The following BMPR1B variants were observed in gnomAD, a reference collection of about 807,000 sequenced individuals.
BMPR1B encodes the protein bone morphogenetic protein receptor type-1B.
In BMPR1B, 12 loss-of-function variants were observed where a neutral mutation model predicts 59.1. That is an observed-to-expected ratio of 0.20 (90% confidence interval 0.13 to 0.33). The LOEUF is 0.33. Among genes scored for constraint, BMPR1B ranks in the 10% least tolerant of loss-of-function variants. BMPR1B has a pLI of 1.00. For synonymous variants in BMPR1B, 237 were observed against 207.3 expected (o/e 1.14, Z -1.23); for missense variants, 550 against 610.9 (o/e 0.90, Z 1.05).
chr4:94,780,092 C>T (rs888547054), intron 1 of BMPR1B, among the ~76,000 whole-genome samples: 13 of 151,948 alleles, frequency 8.6e-5, no homozygotes, highest in African/African-American at 3.1e-4. Flanking sequence ...TAATTGCCTG[C>T]TAGATTTGGT....
At chr4:95,132,870 C>T (rs1295825556) in intron 10 of BMPR1B, among the ~76,000 whole-genome samples, 1 of 152,178 alleles carries the variant, frequency 6.6e-6, no homozygotes, top group Non-Finnish European at 1.5e-5. Context: ...GAGGCCTTCT[C>T]TATTGCCATC....
At position 94,860,806 on chromosome 4, in the gene BMPR1B, AACCTTTTATAT is replaced by A. The variant is rs1487682442; in HGVS notation, c.-182-15024_-182-15014del. Among the ~76,000 whole-genome samples the A allele has an allele frequency of 5.0e-3, 764 of 152,004 alleles. 169 individuals carry two copies. The highest frequency in any genetic ancestry group is 0.016 in the African/African-American group (665 of 41,334). Reference sequence around the variant, plus strand: ...CATCCTACAAGAGGTTCTTGGACAAAACCTTTTATATGTCTTTTATATGTTGGCTTTTATAT... The same window carrying A: ...CATCCTACAAGAGGTTCTTGGACAAAGTCTTTTATATGTTGGCTTTTATAT... On this transcript the variant is annotated intron_variant, in intron 1 of 12. Coordinates refer to ENST00000515059, the MANE Select transcript of BMPR1B (RefSeq NM_001203.3).
intron 2 of BMPR1B, among the ~76,000 whole-genome samples, chr4:94,941,155 C>T (rs759332627): frequency 1.6e-4 from 25 of 152,080 alleles, no homozygotes; most frequent in Admixed American, 3.3e-4. Flanking sequence ...AGGACGGGTG[C>T]GCAGTGGCTC....
At chr4:94,874,525 T>A (rs747291557) in intron 1 of BMPR1B, among the ~76,000 whole-genome samples, 4 of 152,210 alleles carry the variant, frequency 2.6e-5, no homozygotes, top group African/African-American at 4.8e-5. Flanking sequence ...TTATATCAAT[T>A]AAAATCTAAT....
Position 95,154,866 on chromosome 4 carries a change from T to A in BMPR1B, c.*193T>A. The A allele has an allele frequency of 1.4e-6, 1 of 722,722 alleles. No homozygotes were observed. Among genetic ancestry groups the A allele is most frequent in the Non-Finnish European group, 2.3e-6 (1 of 444,430 alleles). The allele number at this position is 722,722 out of a possible 1,614,324, so 44.8% of individuals were successfully genotyped here. A position where few individuals can be genotyped will look rare whatever the true frequency, so the allele number is the denominator to read the frequency against. ...AGAAGCTCCCAGAAGGAGAGATTGA[T>A]CCATGTCTGTTTGTAGGACGGAGAA... On this transcript the variant is annotated 3_prime_UTR_variant, in exon 13 of 13. Coordinates refer to ENST00000515059, the MANE Select transcript of BMPR1B (RefSeq NM_001203.3).
intron 1 of BMPR1B, among the ~76,000 whole-genome samples, chr4:94,806,680 C>T (rs953058278): frequency 1.3e-5 from 2 of 152,152 alleles, no homozygotes; most frequent in African/African-American, 4.8e-5. Flanking sequence ...TTAATACTCC[C>T]TTCATTATGT....
chr4:94,950,563 T>G (rs959610190), intron 2 of BMPR1B, among the ~76,000 whole-genome samples: 1 of 152,174 alleles, frequency 6.6e-6, no homozygotes, highest in African/African-American at 2.4e-5. Context: ...TCCCCATTGC[T>G]TGTTTTTGTC....
At chr4:94,841,053 G>T (rs1364489013) in intron 1 of BMPR1B, among the ~76,000 whole-genome samples, 1 of 147,984 alleles carries the variant, frequency 6.8e-6, no homozygotes, top group Non-Finnish European at 1.5e-5. Context: ...CTGCTAGGGG[G>T]TGCCTCCCAG....
intron 1 of BMPR1B, among the ~76,000 whole-genome samples, chr4:94,855,290 A>C (rs893176217): frequency 5.9e-5 from 9 of 152,178 alleles, no homozygotes; most frequent in Non-Finnish European, 1.2e-4. Context: ...AGCAAGCATT[A>C]TTAATATCTT....
At chr4:94,955,310 T>G (rs1471036131) in intron 2 of BMPR1B, among the ~76,000 whole-genome samples, 3 of 152,148 alleles carry the variant, frequency 2.0e-5, no homozygotes, top group Non-Finnish European at 4.4e-5. Context: ...GGACTTTATA[T>G]CCATGTGATT....
intron 8 of BMPR1B, among the ~76,000 whole-genome samples, chr4:95,129,039 T>C (rs1251968751): frequency 8.7e-6 from 1 of 115,416 alleles, no homozygotes; most frequent in Non-Finnish European, 2.1e-5. Flanking sequence ...AGGAGTGCAT[T>C]ACAGTTTATT....
intron 3 of BMPR1B, among the ~76,000 whole-genome samples, chr4:95,084,687 A>G (rs1729434907): frequency 6.6e-6 from 1 of 152,230 alleles, no homozygotes; most frequent in African/African-American, 2.4e-5. Flanking sequence ...CGGCATTACT[A>G]CATTACAGTG....
chr4:94,805,473 A>C (rs1723571884), intron 1 of BMPR1B, among the ~76,000 whole-genome samples: 1 of 152,184 alleles, frequency 6.6e-6, no homozygotes, highest in African/African-American at 2.4e-5. Flanking sequence ...TGTAATGAAA[A>C]TAAGAGTGTT....
intron 1 of BMPR1B, among the ~76,000 whole-genome samples, chr4:94,834,120 C>A (rs1019494378): frequency 2.0e-5 from 3 of 152,008 alleles, no homozygotes; most frequent in African/African-American, 7.2e-5. Context: ...CCCATTATAC[C>A]TGAGGACTTA....
intron 4 of BMPR1B, among the ~76,000 whole-genome samples, chr4:95,113,120 G>A (rs1003296358): frequency 5.3e-5 from 8 of 152,040 alleles, no homozygotes; most frequent in Non-Finnish European, 1.2e-4. Context: ...AAATTTCTAA[G>A]GAACAGATAT....
chr4:94,916,728 C>G (rs936718671), intron 2 of BMPR1B, among the ~76,000 whole-genome samples: 12 of 152,212 alleles, frequency 7.9e-5, no homozygotes, highest in African/African-American at 2.9e-4. Flanking sequence ...AAGAAGAATT[C>G]AAGCAGGCTG....
intron 3 of BMPR1B, among the ~76,000 whole-genome samples, chr4:95,098,842 G>C (rs1263069358): frequency 6.6e-6 from 1 of 151,774 alleles, no homozygotes; most frequent in African/African-American, 2.4e-5. Context: ...TCAGACTCCC[G>C]AGTAGCTGGG....
intron 1 of BMPR1B, among the ~76,000 whole-genome samples, chr4:94,863,231 A>G (rs764929134): frequency 2.2e-4 from 34 of 152,302 alleles, no homozygotes; most frequent in Non-Finnish European, 4.3e-4. Context: ...AAAACTACCT[A>G]TGCTTATTAC....
At position 94,899,953 on chromosome 4, in the gene BMPR1B, C is replaced by T. The variant is rs139229919; in HGVS notation, c.-113+24053C>T. On this transcript the variant is annotated intron_variant, in intron 2 of 12. Coordinates refer to ENST00000515059, the MANE Select transcript of BMPR1B (RefSeq NM_001203.3). Reference sequence around the variant, plus strand: ...TATACCAGGCACAGAGCTTGCTATTCGAATTACCACCGTACAGTTCTAGAA... The same window carrying T: ...TATACCAGGCACAGAGCTTGCTATTTGAATTACCACCGTACAGTTCTAGAA... Among the ~76,000 whole-genome samples, 821 of 151,940 alleles carry T rather than the reference C, an allele frequency of 5.4e-3. 5 individuals are homozygous for T. The highest frequency in any genetic ancestry group is 0.02 in the South Asian group (98 of 4,826).
Sources: gnomAD v4.1 joint callset for allele counts (sites outside exome capture counted in the v4.1 genomes callset) on GRCh38, gnomAD v4.1.1 for gene constraint, MANE v1.5 for transcripts, NCBI Gene and HGNC (gene_info 2026-07-23, HGNC 2026-07-21) for gene names.